Variants in RHBDL3 observed in about 807,000 individuals in gnomAD.
RHBDL3 encodes rhomboid like 3.
RHBDL3 carries 28 observed loss-of-function variants against 48.2 expected under a neutral mutation model. That is an observed-to-expected ratio of 0.58 (90% CI 0.43 to 0.80). The LOEUF is 0.80. RHBDL3 is among the 30% of genes least tolerant of loss of function. RHBDL3 has a pLI of 0.00. For missense variants in RHBDL3, 464 were observed against 542.7 expected, an observed-to-expected ratio of 0.85 and a Z score of 1.44; for synonymous variants, 208 against 232.3, an observed-to-expected ratio of 0.90 and a Z score of 0.95.
At chr17:32,308,850 G>A (rs766165284) in intron 7 of RHBDL3, among the ~76,000 whole-genome samples, 3 of 151,114 alleles carry the variant, frequency 2.0e-5, no homozygotes, top group Non-Finnish European at 3.0e-5. Flanking sequence ...GGTGGATCAC[G>A]AGGTCAGGAG....
intron 6 of RHBDL3, among the ~76,000 whole-genome samples, chr17:32,300,639 T>C (rs1369103114): frequency 6.6e-6 from 1 of 152,172 alleles, no homozygotes; most frequent in Non-Finnish European, 1.5e-5. Context: ...GTGAAAGTGT[T>C]TCCAATCCAC....
At chr17:32,312,193 T>C (rs1487443728) in intron 7 of RHBDL3, among the ~76,000 whole-genome samples, 11 of 152,214 alleles carry the variant, frequency 7.2e-5, no homozygotes, top group Admixed American at 7.2e-4. Flanking sequence ...CCCAGCACTT[T>C]GGGAGGCCGA....
At chr17:32,288,068 T>G (rs1329246631) in intron 3 of RHBDL3, among the ~76,000 whole-genome samples, 1 of 152,168 alleles carries the variant, frequency 6.6e-6, no homozygotes, top group Non-Finnish European at 1.5e-5. Flanking sequence ...GTGAAGGCCC[T>G]CGGGAGTGGT....
chr17:32,268,960 G>C (rs887851302), intron 2 of RHBDL3, among the ~76,000 whole-genome samples: 1 of 152,124 alleles, frequency 6.6e-6, no homozygotes, highest in South Asian at 2.1e-4. Flanking sequence ...ACGGGAAGAG[G>C]GACATGGTGA....
chr17:32,276,402 C>T lies in RHBDL3; in HGVS notation c.136-8257C>T, dbSNP rs192791593. On this transcript the variant is annotated intron_variant, in intron 2 of 8. Coordinates refer to ENST00000269051, the MANE Select transcript of RHBDL3 (RefSeq NM_138328.3). The stretch of plus-strand genomic sequence containing the variant: ...AAAGCTCCTACTCCCCTAACCTCCC[C>T]GCTGACCTTGGCAGCTGCAGCCTGG... Among the ~76,000 whole-genome samples the T allele has an allele frequency of 2.0e-4, 31 of 152,284 alleles. 1 individual carries two copies. Among genetic ancestry groups the T allele is most frequent in the African/African-American group, 6.7e-4 (28 of 41,546 alleles).
chr17:32,298,358 C>T (rs2040504380), intron 6 of RHBDL3, among the ~76,000 whole-genome samples, 154 bp downstream of exon 6: 1 of 152,218 alleles, frequency 6.6e-6, no homozygotes, highest in Non-Finnish European at 1.5e-5. Context: ...CAGGCACACC[C>T]ACCTCCCTAT....
intron 4 of RHBDL3, among the ~76,000 whole-genome samples, chr17:32,290,273 G>T (rs139541312): frequency 0.017 from 2,584 of 152,282 alleles, 49 homozygotes; most frequent in South Asian, 0.082. Flanking sequence ...GGCTCTTTGT[G>T]TATAGTTTAT....
At chr17:32,313,312 C>T (rs2040887497) in intron 7 of RHBDL3, among the ~76,000 whole-genome samples, 1 of 152,150 alleles carries the variant, frequency 6.6e-6, no homozygotes, top group African/African-American at 2.4e-5. Context: ...GCTATGATTG[C>T]ATTGCTGCAT....
intron 7 of RHBDL3, among the ~76,000 whole-genome samples, chr17:32,314,549 A>G (rs1466550063): frequency 6.6e-6 from 1 of 152,136 alleles, no homozygotes; most frequent in Non-Finnish European, 1.5e-5. Context: ...AAGCCTGGCA[A>G]ACAACAGCAA....
chr17:32,285,004 A>C (rs1597634387), intron 3 of RHBDL3, among the ~76,000 whole-genome samples, 187 bp downstream of exon 3: 4 of 152,162 alleles, frequency 2.6e-5, no homozygotes. Flanking sequence ...TGCCCTCCGC[A>C]GTGTCAGCCC....
At chr17:32,300,311 G>T (rs1303960708) in intron 6 of RHBDL3, among the ~76,000 whole-genome samples, 1 of 152,206 alleles carries the variant, frequency 6.6e-6, no homozygotes, top group Non-Finnish European at 1.5e-5. Flanking sequence ...ACTTTGGGAG[G>T]TCAAGGCAGG....
At chr17:32,314,512 C>G (rs1257541742) in intron 7 of RHBDL3, among the ~76,000 whole-genome samples, 1 of 152,084 alleles carries the variant, frequency 6.6e-6, no homozygotes, top group Non-Finnish European at 1.5e-5. Context: ...GAATTGAAAT[C>G]CATGGAGGGG....
At position 32,312,825 on chromosome 17, in the gene RHBDL3, T is replaced by A. The variant is rs115236600; in HGVS notation, c.883-3407T>A. Among the ~76,000 whole-genome samples the A allele has an allele frequency of 9.2e-3, 1,395 of 152,028 alleles. 25 individuals are homozygous for A. Among genetic ancestry groups the A allele is most frequent in the African/African-American group, 0.031 (1,285 of 41,488 alleles). On this transcript the variant is annotated intron_variant, in intron 7 of 8. Transcript: ENST00000269051. ...GAGCCACCACACCTGGCCTGTTGTT[T>A]TTGAGAAAGGGTCTCACTCTGTTGT...
chr17:32,301,466 G>A (rs935430030), intron 6 of RHBDL3, among the ~76,000 whole-genome samples: 3 of 150,982 alleles, frequency 2.0e-5, no homozygotes, highest in Admixed American at 6.6e-5. Flanking sequence ...TACTAACCAC[G>A]TGTGCATCCC....
chr17:32,306,542 G>A (rs2040716033), intron 7 of RHBDL3, among the ~76,000 whole-genome samples: 1 of 152,202 alleles, frequency 6.6e-6, no homozygotes, highest in South Asian at 2.1e-4. Flanking sequence ...CATGGTCTTT[G>A]GAGCCAGTCA....
At chr17:32,283,471 A>C (rs58764148) in intron 2 of RHBDL3, among the ~76,000 whole-genome samples, 6,030 of 151,234 alleles carry the variant, frequency 0.04, 286 homozygotes, top group African/African-American at 0.12. Context: ...CTACAGGCGC[A>C]CACCACCACG....
intron 2 of RHBDL3, among the ~76,000 whole-genome samples, chr17:32,276,350 A>G (rs2039898789): frequency 6.6e-6 from 1 of 152,146 alleles, no homozygotes; most frequent in African/African-American, 2.4e-5. Flanking sequence ...TAGCATCCTC[A>G]TTTGCAAGAA....
chr17:32,273,341 G>A (rs1297427906), intron 2 of RHBDL3, among the ~76,000 whole-genome samples: 1 of 152,248 alleles, frequency 6.6e-6, no homozygotes, highest in Non-Finnish European at 1.5e-5. Context: ...AGAAGTCAGT[G>A]GCCTACTGAG....
intron 2 of RHBDL3, among the ~76,000 whole-genome samples, chr17:32,272,482 A>G (rs2039795150): frequency 6.6e-6 from 1 of 152,108 alleles, no homozygotes; most frequent in Non-Finnish European, 1.5e-5. Flanking sequence ...CCACCCCCAG[A>G]ACTCACAATT....
Sources: gnomAD v4.1 joint callset for allele counts (sites outside exome capture counted in the v4.1 genomes callset) on GRCh38, gnomAD v4.1.1 for gene constraint, MANE v1.5 for transcripts, NCBI Gene and HGNC (gene_info 2026-07-23, HGNC 2026-07-21) for gene names.